The following SMARCA2 variants were observed in gnomAD, a reference collection of about 807,000 sequenced individuals.
SMARCA2 encodes the protein SWI/SNF related BAF chromatin remodeling complex subunit ATPase 2.
Under a neutral mutation model 199.8 loss-of-function variants are expected in SMARCA2, and 61 were observed. That is an observed-to-expected ratio of 0.31 (90% CI 0.25 to 0.38). The LOEUF (loss-of-function observed/expected upper bound fraction) is 0.38, where lower values mean the gene tolerates loss of function less well. Among genes scored for constraint, SMARCA2 ranks in the 10% least tolerant of loss-of-function variants. The pLI is 1.00. For missense variants in SMARCA2, 1,344 were observed against 2,012.2 expected (o/e 0.67, Z 6.35); for synonymous variants, 935 against 732.0 (o/e 1.28, Z -4.48).
intron 9 of SMARCA2, among the ~76,000 whole-genome samples, chr9:2,066,457 A>C (rs1425452142): frequency 6.6e-6 from 1 of 152,240 alleles, no homozygotes; most frequent in Non-Finnish European, 1.5e-5. Context: ...GAACATTGCT[A>C]AATGGAAGAT....
intron 5 of SMARCA2, among the ~76,000 whole-genome samples, chr9:2,050,325 TTTTTTTTTC>T (rs775453934): frequency 2.6e-5 from 4 of 152,142 alleles, no homozygotes; most frequent in Non-Finnish European, 1.5e-5. Context: ...TGTACTGCTT[TTTTTTTTTC>T]TTTTTTTTCT....
intron 27 of SMARCA2, among the ~76,000 whole-genome samples, chr9:2,145,294 ACT>A (rs1824679086): frequency 6.9e-6 from 1 of 144,322 alleles, no homozygotes; most frequent in African/African-American, 2.5e-5. Flanking sequence ...CAGAGTGAAG[ACT>A]CTTGTCTCAA....
chr9:2,123,858 A>C lies in SMARCA2; in HGVS notation c.3902A>C (p.Glu1301Ala), dbSNP rs1823572870. 2 of 1,609,190 alleles carry C rather than the reference A, an allele frequency of 1.2e-6. No individual in the cohort carries two copies. Among genetic ancestry groups the C allele is most frequent in the African/African-American group, 1.3e-5 (1 of 74,872 alleles). Reference sequence around the variant, plus strand: ...AGGCTCACCTGTGAAGAAGAGGAGGAGAAAATATTTGGGAGGGGGTCCCGC... The same window carrying C: ...AGGCTCACCTGTGAAGAAGAGGAGGCGAAAATATTTGGGAGGGGGTCCCGC... ...VERLTCEEEE[E>A]KIFGRGSRQR... Residue 1301 changes from glutamate (E) to alanine (A), a missense_variant, in exon 27 of 34, where the codon GAG becomes GCG. By Grantham distance (107) the Glu-to-Ala change is moderately radical. Transcript: ENST00000349721. This position sits in a 1 kb window ranked among gnomAD's most constrained non-coding sequence, Gnocchi z 4.1.
chr9:2,057,189 T>C (rs1820391169), intron 7 of SMARCA2, among the ~76,000 whole-genome samples: 1 of 152,190 alleles, frequency 6.6e-6, no homozygotes, highest in South Asian at 2.1e-4. Context: ...GCTGGAAGCC[T>C]GAGATCAGGG....
At chr9:2,143,853 G>C (rs1175992585) in intron 27 of SMARCA2, among the ~76,000 whole-genome samples, 2 of 152,188 alleles carry the variant, frequency 1.3e-5, no homozygotes, top group Admixed American at 1.3e-4. Flanking sequence ...GATAATTTTT[G>C]AAGCCATATG....
At chr9:2,097,258 A>G in intron 20 of SMARCA2, 127 bp from the exon 21 acceptor site, 1 of 592,656 alleles carries the variant, frequency 1.7e-6, no homozygotes, top group Non-Finnish European at 3.0e-6. Flanking sequence ...TTTGAACCAC[A>G]AGGTGTGTAG....
At chr9:2,134,178 G>A (rs1226991883) in intron 27 of SMARCA2, among the ~76,000 whole-genome samples, 2 of 152,130 alleles carry the variant, frequency 1.3e-5, no homozygotes, top group African/African-American at 2.4e-5. Flanking sequence ...GACAAGACTC[G>A]GGGTGACAAG....
chr9:2,120,561 A>G (rs1305851577), intron 26 of SMARCA2, among the ~76,000 whole-genome samples: 1 of 152,218 alleles, frequency 6.6e-6, no homozygotes, highest in Non-Finnish European at 1.5e-5. Flanking sequence ...TATGATCCAC[A>G]GGGTTTGCAA....
At chr9:2,076,873 C>T (rs1030021481) in intron 13 of SMARCA2, among the ~76,000 whole-genome samples, 2 of 152,188 alleles carry the variant, frequency 1.3e-5, no homozygotes, top group South Asian at 2.1e-4. Context: ...GGGCCCTCTA[C>T]GTCAAGGGTT....
intron 10 of SMARCA2, 164 bp from the exon 11 acceptor site, chr9:2,073,048 G>A: frequency 1.4e-6 from 1 of 705,442 alleles, no homozygotes; most frequent in Non-Finnish European, 2.3e-6. Context: ...TCTTTAGTGG[G>A]AGGTAGCCTC....
intron 32 of SMARCA2, among the ~76,000 whole-genome samples, chr9:2,189,656 C>G (rs1182395171): frequency 6.6e-6 from 1 of 152,124 alleles, no homozygotes; most frequent in African/African-American, 2.4e-5. Context: ...CTAAGTTACT[C>G]CACCCAAAGC....
rs548962506 is a variant in SMARCA2, at chr9:2,169,876, C to T, written c.4200-543C>T. ...AAAGATCATGAATTCAGTGATCTCT[C>T]GAAAAGGAATAGAGCTCTTGGAAGC... is the stretch of plus-strand genomic sequence containing the variant. On this transcript the variant is annotated intron_variant, in intron 28 of 33. Transcript: ENST00000349721. The surrounding 1 kb of genome is among the most constrained non-coding windows in gnomAD (Gnocchi z 6.5). Among the ~76,000 whole-genome samples, 8 of 152,268 alleles carry T rather than the reference C, an allele frequency of 5.3e-5. No individual in the cohort carries two copies. Among genetic ancestry groups the T allele is most frequent in the South Asian group, 2.1e-4 (1 of 4,828 alleles).
At chr9:2,121,864 C>T (rs1019370066) in intron 26 of SMARCA2, among the ~76,000 whole-genome samples, 1 of 152,164 alleles carries the variant, frequency 6.6e-6, no homozygotes, top group African/African-American at 2.4e-5. Flanking sequence ...AACATACAAA[C>T]ATTAAGCTTT....
intron 27 of SMARCA2, among the ~76,000 whole-genome samples, chr9:2,152,116 G>A (rs1457429666): frequency 6.6e-6 from 1 of 152,166 alleles, no homozygotes; most frequent in East Asian, 1.9e-4. Flanking sequence ...ATGTTAAATA[G>A]TCTGATGACA....
intron 1 of SMARCA2, among the ~76,000 whole-genome samples, chr9:2,015,642 T>A (rs1818321779): frequency 6.6e-6 from 1 of 152,096 alleles, no homozygotes; most frequent in South Asian, 2.1e-4. Flanking sequence ...TAACGACAGC[T>A]CCCAGGCGGC....
At chr9:2,074,536 A>G (rs10964646) in intron 12 of SMARCA2, among the ~76,000 whole-genome samples, 30,382 of 152,150 alleles carry the variant, frequency 0.2, 3,265 homozygotes, top group Admixed American at 0.23. Context: ...AAGAGAAAGA[A>G]TAATAAAAGT....
chr9:2,032,699 C>G, intron 2 of SMARCA2: 1 of 319,632 alleles, frequency 3.1e-6, no homozygotes, highest in Non-Finnish European at 5.8e-6. Flanking sequence ...ATTTTCATTG[C>G]CTGTTCTGAT....
chr9:2,095,946 T>C (rs1822256671), intron 19 of SMARCA2, among the ~76,000 whole-genome samples: 1 of 152,216 alleles, frequency 6.6e-6, no homozygotes, highest in Non-Finnish European at 1.5e-5. Context: ...TATGATAAAG[T>C]ACGCAGGTGT....
chr9:2,119,267 G>A lies in SMARCA2; in HGVS notation c.3685-191G>A, dbSNP rs938740407. On this transcript the variant is annotated intron_variant, in intron 25 of 33. Transcript: ENST00000349721. The surrounding 1 kb of genome is among the most constrained non-coding windows in gnomAD (Gnocchi z 4.6). ...GTGGACCACAGTTTCCTCCCTGAAC[G>A]GATTTTGCTCTGGGAAGATGGTTTT... is the stretch of plus-strand genomic sequence containing the variant. Among the ~76,000 whole-genome samples, 2 of 152,148 alleles carry A rather than the reference G, an allele frequency of 1.3e-5. No homozygotes were observed. The highest frequency in any genetic ancestry group is 2.9e-5 in the Non-Finnish European group (2 of 68,024).
Sources: gnomAD v4.1 joint callset for allele counts (sites outside exome capture counted in the v4.1 genomes callset) on GRCh38, gnomAD v4.1.1 for gene constraint, Gnocchi (gnomAD v3.1) non-coding constraint, MANE v1.5 for transcripts, NCBI Gene and HGNC (gene_info 2026-07-23, HGNC 2026-07-21) for gene names.